Variants in SRP54 observed in about 807,000 individuals in gnomAD.
SRP54 encodes signal recognition particle subunit SRP54.
A neutral mutation model predicts 64.8 loss-of-function variants in SRP54; 10 were observed. The ratio of observed to expected loss-of-function variants is 0.15; its 90% CI spans 0.10 to 0.26. The LOEUF is 0.26. SRP54 is among the 10% of genes least tolerant of loss of function. SRP54 has a pLI of 1.00. For missense variants in SRP54, 325 were observed against 613.7 expected, an observed-to-expected ratio of 0.53 and a Z score of 4.97; for synonymous variants, 193 against 185.6, an observed-to-expected ratio of 1.04 and a Z score of -0.32.
chr14:35,026,392 T>C (rs1036537360), intron 14 of SRP54, among the ~76,000 whole-genome samples: 1 of 151,996 alleles, frequency 6.6e-6, no homozygotes, highest in Non-Finnish European at 1.5e-5. Flanking sequence ...CACACTGAGC[T>C]AATGCTTTTT....
At chr14:34,986,072 G>A (rs2043890674) in intron 1 of SRP54, among the ~76,000 whole-genome samples, 1 of 152,028 alleles carries the variant, frequency 6.6e-6, no homozygotes, top group Admixed American at 6.6e-5. Context: ...TAGCCAGAAA[G>A]TATCGTAAAG....
At chr14:35,024,556 TTATTTA>T (rs2044589680) in intron 14 of SRP54, among the ~76,000 whole-genome samples, 1 of 152,076 alleles carries the variant, frequency 6.6e-6, no homozygotes, top group African/African-American at 2.4e-5. Context: ...CCTTTTATTT[TTATTTA>T]TATTTTATAA....
chr14:35,010,377 C>A lies in SRP54; in HGVS notation c.486-1132C>A, dbSNP rs76753429. Among the ~76,000 whole-genome samples, 13 of 152,160 alleles carry A rather than the reference C, an allele frequency of 8.5e-5. No individual in the cohort carries two copies. The East Asian group carries it at 2.5e-3, about 29-fold the overall frequency. On this transcript the variant is annotated intron_variant, in intron 7 of 15. Coordinates refer to ENST00000216774, the MANE Select transcript of SRP54 (RefSeq NM_003136.4). ...AAGAGAATTGCTTGAACCCGGGAGG[C>A]AGAGGTTGCGGTGAGCTGAGATGGC...
chr14:35,024,812 C>T (rs149999027), intron 14 of SRP54, among the ~76,000 whole-genome samples: 11,726 of 151,976 alleles, frequency 0.077, 598 homozygotes, highest in Non-Finnish European at 0.12. Context: ...CTGCAACCTC[C>T]GCCTCCTGGG....
intron 1 of SRP54, among the ~76,000 whole-genome samples, chr14:34,995,209 G>A (rs1261372063): frequency 7.5e-6 from 1 of 133,172 alleles, no homozygotes; most frequent in African/African-American, 2.8e-5. Context: ...AGGGAGAAAT[G>A]GATATAAAGA....
intron 1 of SRP54, among the ~76,000 whole-genome samples, chr14:34,991,126 T>TG (rs1252070621): frequency 0.14 from 19,015 of 139,282 alleles, 1,010 homozygotes; most frequent in East Asian, 0.31. Flanking sequence ...TTTTTTTTTT[T>TG]TTTGTTGTTG....
intron 1 of SRP54, among the ~76,000 whole-genome samples, chr14:34,996,163 C>T (rs994318497): frequency 5.3e-5 from 8 of 151,652 alleles, no homozygotes; most frequent in Non-Finnish European, 1.2e-4. Flanking sequence ...TATAGCGCTT[C>T]GATATAGCTG....
intron 1 of SRP54, among the ~76,000 whole-genome samples, chr14:34,991,104 C>CT (rs2043967946): frequency 2.8e-5 from 3 of 106,996 alleles, no homozygotes; most frequent in Admixed American, 1.0e-4. Flanking sequence ...GGTTAAATTT[C>CT]TTTTCTTTTT....
At chr14:35,028,574 GATC>G (rs2044671983) in intron 15 of SRP54, among the ~76,000 whole-genome samples, 1 of 152,100 alleles carries the variant, frequency 6.6e-6, no homozygotes, top group African/African-American at 2.4e-5. Context: ...TAAAATCACA[GATC>G]ATATCTCATC....
At chr14:35,024,324 C>T (rs114237788) in intron 14 of SRP54, among the ~76,000 whole-genome samples, 1,522 of 152,196 alleles carry the variant, frequency 0.01, 38 homozygotes, top group African/African-American at 0.035. Context: ...CCACCACGTC[C>T]GGCCTCACTT....
At chr14:35,014,901 A>G in intron 11 of SRP54, 71 bp downstream of exon 11, 1 of 1,151,794 alleles carries the variant, frequency 8.7e-7, no homozygotes, top group South Asian at 1.3e-5. Context: ...GTTACTATTA[A>G]GTTATTTGAA....
chr14:35,023,961 C>T (rs2044578092), intron 14 of SRP54, among the ~76,000 whole-genome samples: 1 of 151,974 alleles, frequency 6.6e-6, no homozygotes, highest in Non-Finnish European at 1.5e-5. Context: ...GGGATTTTTG[C>T]CTGTTTTGAT....
At chr14:35,001,371 G>A (rs549849886) in intron 4 of SRP54, among the ~76,000 whole-genome samples, 12 of 152,164 alleles carry the variant, frequency 7.9e-5, no homozygotes, top group Admixed American at 6.6e-4. Flanking sequence ...GGCTGGTCTT[G>A]AACTCCTGAC....
intron 14 of SRP54, among the ~76,000 whole-genome samples, chr14:35,024,977 C>T (rs553401596): frequency 1.3e-5 from 2 of 152,282 alleles, no homozygotes; most frequent in Admixed American, 6.5e-5. Flanking sequence ...GTGATTCGCC[C>T]GCCTTAGCTT....
At chr14:34,983,402 G>A (rs554037686) in intron 1 of SRP54, among the ~76,000 whole-genome samples, 187 bp downstream of exon 1, 1 of 152,192 alleles carries the variant, frequency 6.6e-6, no homozygotes, top group Non-Finnish European at 1.5e-5. Context: ...GATGCGCTGT[G>A]CCCCTTTTGA....
At chr14:34,987,929 G>T (rs1305592762) in intron 1 of SRP54, among the ~76,000 whole-genome samples, 2 of 152,102 alleles carry the variant, frequency 1.3e-5, no homozygotes, top group Non-Finnish European at 2.9e-5. Context: ...TTTTACAAAA[G>T]AATTTTCCTA....
At chr14:34,992,486 G>GC (rs2138967000) in intron 1 of SRP54, among the ~76,000 whole-genome samples, 2 of 152,266 alleles carry the variant, frequency 1.3e-5, no homozygotes, top group South Asian at 4.1e-4. Flanking sequence ...CATGTCCTTT[G>GC]CAGCAACATG....
At chr14:34,991,442 T>C (rs1400249991) in intron 1 of SRP54, among the ~76,000 whole-genome samples, 1 of 146,572 alleles carries the variant, frequency 6.8e-6, no homozygotes, top group Non-Finnish European at 1.5e-5. Flanking sequence ...AGCTTACATT[T>C]CAATAGTGAG....
intron 13 of SRP54, among the ~76,000 whole-genome samples, chr14:35,022,685 A>G (rs149263222): frequency 6.6e-6 from 1 of 152,302 alleles, no homozygotes; most frequent in African/African-American, 2.4e-5. Flanking sequence ...CTCAAAAGCA[A>G]ACATAGCGAA....
Sources: gnomAD v4.1 joint callset for allele counts (sites outside exome capture counted in the v4.1 genomes callset) on GRCh38, gnomAD v4.1.1 for gene constraint, MANE v1.5 for transcripts, NCBI Gene and HGNC (gene_info 2026-07-23, HGNC 2026-07-21) for gene names.